Variants in TCEANC2 observed in about 807,000 individuals in gnomAD.
The protein encoded by TCEANC2 is transcription elongation factor A N-terminal and central domain-containing protein 2.
TCEANC2 carries 20 observed loss-of-function variants against 22.8 expected under a neutral mutation model. That is an observed-to-expected ratio of 0.88 (90% confidence interval 0.62 to 1.28). The LOEUF (loss-of-function observed/expected upper bound fraction) is 1.28. Ranked by LOEUF, TCEANC2 falls within the 50% of genes most tolerant of loss-of-function variation. TCEANC2 has a pLI of 0.00. For missense variants in TCEANC2, 251 were observed against 249.7 expected, an observed-to-expected ratio of 1.01 and a Z score of -0.03; for synonymous variants, 84 against 95.5, an observed-to-expected ratio of 0.88 and a Z score of 0.70.
At chr1:54,075,878 G>C (rs1570007131) in intron 3 of TCEANC2, among the ~76,000 whole-genome samples, 1 of 152,026 alleles carries the variant, frequency 6.6e-6, no homozygotes, top group South Asian at 2.1e-4. Context: ...GCTGGGTGTG[G>C]TTGTGCGTGC....
At chr1:54,054,918 A>G (rs931178234) in intron 2 of TCEANC2, among the ~76,000 whole-genome samples, 9 of 152,344 alleles carry the variant, frequency 5.9e-5, no homozygotes, top group African/African-American at 2.2e-4. Flanking sequence ...CCAGAACTGT[A>G]TCAAACAGCT....
At chr1:54,054,601 A>C in intron 2 of TCEANC2, 77 bp downstream of exon 2, 1 of 1,409,662 alleles carries the variant, frequency 7.1e-7, no homozygotes, top group Non-Finnish European at 9.5e-7. Context: ...TGTTGTGGAA[A>C]GACCTATGAA....
chr1:54,069,417 G>A (rs1249570856), intron 3 of TCEANC2, among the ~76,000 whole-genome samples: 1 of 152,122 alleles, frequency 6.6e-6, no homozygotes, highest in Non-Finnish European at 1.5e-5. Context: ...AGACCAGCCA[G>A]GACAACATGG....
At chr1:54,093,279 C>A (rs1658481862) in intron 4 of TCEANC2, among the ~76,000 whole-genome samples, 1 of 152,092 alleles carries the variant, frequency 6.6e-6, no homozygotes, top group South Asian at 2.1e-4. Context: ...GTCCTTCCAC[C>A]CAGAAGGGCT....
intron 4 of TCEANC2, among the ~76,000 whole-genome samples, chr1:54,094,715 T>C (rs1413563340): frequency 6.6e-6 from 1 of 152,198 alleles, no homozygotes; most frequent in East Asian, 1.9e-4. Context: ...GCCTGGCACA[T>C]AGTGCTGAAT....
In TCEANC2 at chr1:54,104,914, G is replaced by T. The variant is rs1658724327; in HGVS notation, c.*8441G>T. On this transcript the variant is annotated 3_prime_UTR_variant, in exon 5 of 5. Coordinates refer to ENST00000234827, the MANE Select transcript of TCEANC2 (RefSeq NM_153035.3). ...CCTGAGCAGGATATGCTGACTTCAG[G>T]CTCAGCCCCCTCAGGGCTGAGGGTC... The T allele has an allele frequency of 2.1e-5, 5 of 240,908 alleles. No homozygotes were observed. Among genetic ancestry groups the T allele is most frequent in the South Asian group, 1.5e-4 (3 of 19,748 alleles). The allele number at this position is 240,908 out of a possible 1,614,324, so 14.9% of individuals were successfully genotyped here.
chr1:54,085,278 G>C (rs1455211149), intron 3 of TCEANC2, among the ~76,000 whole-genome samples: 1 of 152,154 alleles, frequency 6.6e-6, no homozygotes, highest in Admixed American at 6.5e-5. Context: ...ATAGTATCTA[G>C]AGCAAACAGG....
chr1:54,085,395 AT>A (rs1283006378), intron 3 of TCEANC2, among the ~76,000 whole-genome samples: 1 of 151,900 alleles, frequency 6.6e-6, no homozygotes, highest in Non-Finnish European at 1.5e-5. Context: ...TCAAATAAAA[AT>A]TTTTTTTCTG....
chr1:54,106,905 C>G (rs1259577490), downstream of TCEANC2, among the ~76,000 whole-genome samples: 4 of 152,090 alleles, frequency 2.6e-5, no homozygotes, highest in African/African-American at 9.7e-5. Context: ...TTTAGATACA[C>G]AAAAAGTGGC....
Position 54,104,368 on chromosome 1 carries a change from G to A in TCEANC2, c.*7895G>A, listed in dbSNP as rs544688120. 2 of 240,300 alleles carry A rather than the reference G, an allele frequency of 8.3e-6. No individual in the cohort carries two copies. Among genetic ancestry groups the A allele is most frequent in the South Asian group, 1.0e-4 (2 of 19,680 alleles). The allele number at this position is 240,300 out of a possible 1,614,324, so 14.9% of individuals were successfully genotyped here. A position where few individuals can be genotyped will look rare whatever the true frequency, so the allele number is the denominator to read the frequency against. On this transcript the variant is annotated 3_prime_UTR_variant, in exon 5 of 5. Coordinates refer to ENST00000234827, the MANE Select transcript of TCEANC2 (RefSeq NM_153035.3). ...TAGCTGTGACTGCACCCGGGCACTTGAGCTCCTCATATCAGGAGACTACTA... is the reference window on the plus strand; with the variant it reads ...TAGCTGTGACTGCACCCGGGCACTTAAGCTCCTCATATCAGGAGACTACTA...
Position 54,103,895 on chromosome 1 carries a change from A to G in TCEANC2, c.*7422A>G, listed in dbSNP as rs1658702085. ...TAGAATGTTTAATCTACTGGGATAGATTATGGGATCTATAGATTATGGGAT... is the reference window on the plus strand; with the variant it reads ...TAGAATGTTTAATCTACTGGGATAGGTTATGGGATCTATAGATTATGGGAT... On this transcript the variant is annotated 3_prime_UTR_variant, in exon 5 of 5. Coordinates refer to ENST00000234827, the MANE Select transcript of TCEANC2 (RefSeq NM_153035.3). 6.6e-6 allele frequency: 1 copy of G among 152,234 alleles called. No homozygotes were observed. Among genetic ancestry groups the G allele is most frequent in the Non-Finnish European group, 1.5e-5 (1 of 68,046 alleles). 9.4% of individuals were successfully genotyped at this position (152,234 alleles called of 1,614,324 possible). A position where few individuals can be genotyped will look rare whatever the true frequency, so the allele number is the denominator to read the frequency against.
chr1:54,084,338 GTAGT>G, intron 3 of TCEANC2, among the ~76,000 whole-genome samples: 1 of 152,202 alleles, frequency 6.6e-6, no homozygotes, highest in South Asian at 2.1e-4. Flanking sequence ...TGGCTGCAAA[GTAGT>G]TATTGTTTAA....
At chr1:54,064,600 G>A (rs1657913380) in intron 2 of TCEANC2, among the ~76,000 whole-genome samples, 1 of 151,794 alleles carries the variant, frequency 6.6e-6, no homozygotes, top group Admixed American at 6.6e-5. Flanking sequence ...ATGTTTGATT[G>A]GTTCCAGGAG....
Position 54,100,539 on chromosome 1 carries a change from G to A in TCEANC2, c.*4066G>A, listed in dbSNP as rs1479859374. On this transcript the variant is annotated 3_prime_UTR_variant, in exon 5 of 5. Transcript: ENST00000234827. The stretch of plus-strand genomic sequence containing the variant: ...AAAGGAATGAATAACACCACTCAGA[G>A]GAAGAATCTTCACAGAGGAGTTCAT... 1 of 152,236 alleles carries A rather than the reference G, an allele frequency of 6.6e-6. No individual in the cohort carries two copies. Among genetic ancestry groups the A allele is most frequent in the Non-Finnish European group, 1.5e-5 (1 of 68,060 alleles). 9.4% of individuals were successfully genotyped at this position (152,236 alleles called of 1,614,324 possible).
At chr1:54,060,392 G>A (rs1244715373) in intron 2 of TCEANC2, among the ~76,000 whole-genome samples, 2 of 149,678 alleles carry the variant, frequency 1.3e-5, no homozygotes, top group Non-Finnish European at 1.5e-5. Flanking sequence ...GCGACAGAGC[G>A]AGACTCCATC....
chr1:54,071,793 T>C (rs1038116232), intron 3 of TCEANC2, among the ~76,000 whole-genome samples: 3 of 152,086 alleles, frequency 2.0e-5, no homozygotes, highest in African/African-American at 7.2e-5. Flanking sequence ...ATTTTGAAAA[T>C]TTACAGCAAT....
At chr1:54,072,407 T>C (rs1658073513) in intron 3 of TCEANC2, among the ~76,000 whole-genome samples, 1 of 151,978 alleles carries the variant, frequency 6.6e-6, no homozygotes, top group South Asian at 2.1e-4. Context: ...TTTTTTTTTT[T>C]TCTTTTTGAG....
chr1:54,065,783 A>G lies in TCEANC2; in HGVS notation c.103-2973A>G, dbSNP rs1011554185. 1.2e-4 allele frequency among the ~76,000 whole-genome samples: 18 copies of G among 151,970 alleles called. No individual in the cohort carries two copies. The East Asian group carries it at 1.4e-3, about 11-fold the overall frequency. ...ATAATAAGTAACTTCCAAACCATAGAGGGAAAAAAAAGGGGCTGGGCACAG... is the reference window on the plus strand; with the variant it reads ...ATAATAAGTAACTTCCAAACCATAGGGGGAAAAAAAAGGGGCTGGGCACAG... On this transcript the variant is annotated intron_variant, in intron 2 of 4. Transcript: ENST00000234827.
At chr1:54,060,804 G>T (rs1569992962) in intron 2 of TCEANC2, among the ~76,000 whole-genome samples, 1 of 152,052 alleles carries the variant, frequency 6.6e-6, no homozygotes, top group Non-Finnish European at 1.5e-5. Context: ...GCCGGGTGTG[G>T]TGGTGGGCGC....
Sources: gnomAD v4.1 joint callset for allele counts (sites outside exome capture counted in the v4.1 genomes callset) on GRCh38, gnomAD v4.1.1 for gene constraint, MANE v1.5 for transcripts, NCBI Gene and HGNC (gene_info 2026-07-23, HGNC 2026-07-21) for gene names.